Variants in SNX32 observed in about 807,000 individuals in gnomAD.
SNX32 encodes sorting nexin-32.
In SNX32, 58 loss-of-function variants were observed where a neutral mutation model predicts 57.0. The ratio of observed to expected loss-of-function variants is 1.02; its 90% confidence interval spans 0.82 to 1.27. The LOEUF (loss-of-function observed/expected upper bound fraction) is 1.27. Ranked by LOEUF, SNX32 falls within the 50% of genes most tolerant of loss-of-function variation. The pLI is 0.00. For synonymous variants in SNX32, 262 were observed against 220.4 expected (o/e 1.19, Z -1.67); for missense variants, 589 against 541.2 (o/e 1.09, Z -0.88).
Position 65,850,188 on chromosome 11 carries a change from G to A in SNX32, c.291G>A (p.Ser97=), listed in dbSNP as rs768994522. The change falls in exon 4 of 13, where the codon TCG becomes TCA. Residue 97 remains serine (S), a synonymous_variant. Transcript: ENST00000308342. The stretch of plus-strand genomic sequence containing the variant: ...CTCCGAGGCCAGACTTTGAGGCTTC[G>A]AGGGAAAAGCTACAGAAATTGGGCG... ...PAPPRPDFEA[S]REKLQKLGEG... The A allele has an allele frequency of 5.6e-6, 9 of 1,614,134 alleles. No individual in the cohort carries two copies. Among genetic ancestry groups the A allele is most frequent in the East Asian group, 4.5e-5 (2 of 44,898 alleles).
At chr11:65,844,738 G>A (rs972121139) in intron 1 of SNX32, among the ~76,000 whole-genome samples, 1 of 151,864 alleles carries the variant, frequency 6.6e-6, no homozygotes, top group African/African-American at 2.4e-5. Context: ...AGGCCGAAGC[G>A]GGCAGATCAC....
intron 1 of SNX32, among the ~76,000 whole-genome samples, chr11:65,844,464 G>T (rs1409380173): frequency 6.6e-6 from 1 of 151,194 alleles, no homozygotes; most frequent in Non-Finnish European, 1.5e-5. Flanking sequence ...TAAATAGAGA[G>T]AGAGAGAGAT....
chr11:65,853,155 CCA>C, intron 12 of SNX32, 125 bp from the exon 13 acceptor site: 1 of 1,420,682 alleles, frequency 7.0e-7, no homozygotes. Flanking sequence ...GTAGGAAGGC[CCA>C]ATTAACAGCA....
chr11:65,850,955 C>G, intron 6 of SNX32, 100 bp downstream of exon 6: 1 of 1,492,128 alleles, frequency 6.7e-7, no homozygotes. Flanking sequence ...ACTGGTGGGG[C>G]CTGGCCTGGT....
chr11:65,850,306 G>C, intron 4 of SNX32, 35 bp downstream of exon 4: 1 of 1,614,038 alleles, frequency 6.2e-7, no homozygotes, highest in African/African-American at 1.3e-5. Context: ...CATCCCCAGA[G>C]TCCAGATGTC....
intron 1 of SNX32, among the ~76,000 whole-genome samples, chr11:65,841,100 A>G (rs958743198): frequency 6.6e-6 from 1 of 151,716 alleles, no homozygotes; most frequent in African/African-American, 2.4e-5. Flanking sequence ...GCCCCCCACC[A>G]CACCTGGCTA....
intron 1 of SNX32, among the ~76,000 whole-genome samples, chr11:65,837,049 C>T (rs1332560885): frequency 4.0e-5 from 6 of 151,692 alleles, no homozygotes; most frequent in Non-Finnish European, 8.8e-5. Flanking sequence ...AAATGTATCC[C>T]AGAACTTAAA....
chr11:65,853,192 G>A (rs1349538150), intron 12 of SNX32, 90 bp from the exon 13 acceptor site: 4 of 1,561,504 alleles, frequency 2.6e-6, no homozygotes, highest in African/African-American at 1.4e-5. Context: ...GAGCAGGGGT[G>A]TGGGGAGCGA....
At chr11:65,835,666 C>T (rs928920406) in intron 1 of SNX32, 1 of 152,030 alleles carries the variant, frequency 6.6e-6, no homozygotes, top group South Asian at 2.1e-4. Context: ...AAGCAGCTAC[C>T]AAGCAGTGTA....
intron 9 of SNX32, 61 bp downstream of exon 9, chr11:65,851,740 C>G: frequency 6.4e-7 from 1 of 1,568,816 alleles, no homozygotes; most frequent in African/African-American, 1.3e-5. Flanking sequence ...AAGATGAGTC[C>G]TGGCAGAGGG....
chr11:65,853,335 G>C lies in SNX32; in HGVS notation c.1212G>C (p.Ter404TyrextTer9), dbSNP rs1233449045. The C allele has an allele frequency of 1.9e-6, 3 of 1,614,042 alleles. No homozygotes were observed. The highest frequency in any genetic ancestry group is 2.2e-5 in the East Asian group (1 of 44,884). ...TTGTTGCCCTAAAGGGGGAGCCTTA[G>C]AGTAGCCAGAGCTCAGCCAGACCCT... is the stretch of plus-strand genomic sequence containing the variant. Reference protein sequence around the residue: ...NTLVALKGEP* With the variant: ...NTLVALKGEPY The change falls in exon 13 of 13, where the codon TAG becomes TAC. Residue 404 changes from the stop codon to tyrosine, a stop_lost. Coordinates refer to ENST00000308342, the MANE Select transcript of SNX32 (RefSeq NM_152760.3).
At chr11:65,835,887 C>A (rs539699571) in intron 1 of SNX32, among the ~76,000 whole-genome samples, 19 of 152,214 alleles carry the variant, frequency 1.2e-4, no homozygotes, top group Admixed American at 3.3e-4. Context: ...ACAGAATGGT[C>A]TGCTTCAATG....
intron 1 of SNX32, among the ~76,000 whole-genome samples, chr11:65,844,541 G>T (rs1179177324): frequency 6.6e-6 from 1 of 152,146 alleles, no homozygotes; most frequent in Non-Finnish European, 1.5e-5. Context: ...GTGCTGCTGG[G>T]AGTGTACATT....
In SNX32 at chr11:65,851,659, G is replaced by GA. The variant is rs1859201682; in HGVS notation, c.806dup (p.Leu270AlafsTer3). 2.5e-6 allele frequency: 4 copies of GA among 1,614,018 alleles called. No homozygotes were observed. The Admixed American group carries it at 5.0e-5, about 20-fold the overall frequency. ...TCCTAGGAGCTTCCTCAAATTGGCA[G>GA]AGCTCTTTGAACGGCTGAGGGTGAG... is the stretch of plus-strand genomic sequence containing the variant. On this transcript the variant is annotated frameshift_variant, in exon 9 of 13. Transcript: ENST00000308342. LOFTEE classifies it high-confidence loss of function.
rs888698272 is a variant in SNX32, at chr11:65,841,165, C to T, written c.36+7064C>T. On this transcript the variant is annotated intron_variant, in intron 1 of 12. Transcript: ENST00000308342. ...TTACCATGTTGACCAGCCTGGTCCT[C>T]GAACTCCTGAGCTCAGGTGATCCAC... Among the ~76,000 whole-genome samples the T allele has an allele frequency of 5.3e-5, 8 of 149,638 alleles. No individual in the cohort carries two copies. The East Asian group carries it at 1.4e-3, about 26-fold the overall frequency.
At position 65,850,511 on chromosome 11, in the gene SNX32, G is replaced by A. The variant is rs374005922; in HGVS notation, c.455G>A (p.Arg152His). ...CGCCTGGCGGCCCACCCCACCCTGC[G>A]TCGAGACCACAACTTCTTTGTGTTT... ...LQRLAAHPTL[R>H]RDHNFFVFLE... Residue 152 changes from arginine (R) to histidine (H), a missense_variant, in exon 5 of 13, where the codon CGT becomes CAT. Coordinates refer to ENST00000308342, the MANE Select transcript of SNX32 (RefSeq NM_152760.3). 3.2e-5 allele frequency: 51 copies of A among 1,613,592 alleles called. No individual in the cohort carries two copies. Among genetic ancestry groups the A allele is most frequent in the African/African-American group, 6.7e-5 (5 of 74,906 alleles).
At chr11:65,847,678 G>A (rs1438530866) in intron 1 of SNX32, among the ~76,000 whole-genome samples, 1 of 152,156 alleles carries the variant, frequency 6.6e-6, no homozygotes, top group Non-Finnish European at 1.5e-5. Context: ...GGGAGGCCGA[G>A]GCAGGCAGAT....
chr11:65,845,847 A>T (rs1205218008), intron 1 of SNX32, among the ~76,000 whole-genome samples: 2 of 152,264 alleles, frequency 1.3e-5, no homozygotes, highest in African/African-American at 4.8e-5. Flanking sequence ...TGATATAATC[A>T]TGTAATGAAA....
intron 8 of SNX32, 24 bp downstream of exon 8, chr11:65,851,427 C>G (rs1859192356): frequency 3.1e-6 from 5 of 1,612,094 alleles, no homozygotes; most frequent in East Asian, 2.2e-5. Context: ...CCACCCCTAC[C>G]CTCTCCCTGT....
Sources: allele counts gnomAD v4.1 joint callset (sites outside exome capture counted in the v4.1 genomes callset), GRCh38; gene constraint gnomAD v4.1.1; transcripts MANE v1.5; gene names NCBI Gene and HGNC (gene_info 2026-07-23, HGNC 2026-07-21).